The following RGS14 variants were observed in gnomAD, a reference collection of about 807,000 sequenced individuals.
RGS14 encodes regulator of G protein signaling 14.
A neutral mutation model predicts 63.8 loss-of-function variants in RGS14; 33 were observed. That is an observed-to-expected ratio of 0.52 (90% CI 0.39 to 0.69). The LOEUF is 0.69. Among genes scored for constraint, RGS14 ranks in the 30% least tolerant of loss-of-function variants. The pLI is 0.00. For synonymous variants in RGS14, 296 were observed against 320.9 expected (o/e 0.92, Z 0.83); for missense variants, 739 against 742.9 (o/e 0.99, Z 0.06).
In RGS14 at chr5:177,366,349, C is replaced by A; in HGVS notation, c.240C>A (p.Tyr80Ter). ...TGCAGGACCCGCTGGGCCTGGCTTA[C>A]TTCACTGTAAGCCTGGGGTAGGGAA... ...RLLQDPLGLA[Y>*]FTEFLKKEFS... Residue 80 changes from tyrosine (Y) to a stop codon, truncating the protein, a stop_gained, in exon 3 of 15, where the codon TAC becomes TAA. Transcript: ENST00000408923. LOFTEE classifies it high-confidence loss of function. 6.5e-7 allele frequency: 1 copy of A among 1,546,002 alleles called. No homozygotes were observed. Among genetic ancestry groups the A allele is most frequent in the Non-Finnish European group, 8.7e-7 (1 of 1,144,874 alleles).
At chr5:177,369,936 C>T (rs990049931) in intron 9 of RGS14, among the ~76,000 whole-genome samples, 1 of 152,236 alleles carries the variant, frequency 6.6e-6, no homozygotes, top group African/African-American at 2.4e-5. Context: ...CCAACCCCCA[C>T]ATCAGGCTGG....
At chr5:177,370,189 A>G (rs1328261045) in intron 9 of RGS14, among the ~76,000 whole-genome samples, 1 of 152,148 alleles carries the variant, frequency 6.6e-6, no homozygotes, top group Non-Finnish European at 1.5e-5. Context: ...GAGGGAGGAA[A>G]TGCTTCCAGC....
chr5:177,363,896 G>C (rs999089604), intron 1 of RGS14, among the ~76,000 whole-genome samples: 5 of 152,200 alleles, frequency 3.3e-5, no homozygotes, highest in South Asian at 2.1e-4. Flanking sequence ...TTTTGGGGAA[G>C]GTGGTGGCTG....
intron 1 of RGS14, 96 bp from the exon 2 acceptor site, chr5:177,365,867 G>A (rs942898256): frequency 3.2e-6 from 4 of 1,261,958 alleles, no homozygotes; most frequent in Admixed American, 3.4e-5. Flanking sequence ...CCAGGTGGAG[G>A]AGAACGCAGT....
At chr5:177,361,841 C>G (rs559538918) in intron 1 of RGS14, among the ~76,000 whole-genome samples, 145 of 152,294 alleles carry the variant, frequency 9.5e-4, no homozygotes, top group Middle Eastern at 3.4e-3. Context: ...GTGTCACTGG[C>G]CACCACACCC....
chr5:177,367,591 AG>A, intron 6 of RGS14, 34 bp downstream of exon 6: 2 of 1,590,312 alleles, frequency 1.3e-6, no homozygotes, highest in Non-Finnish European at 1.7e-6. Context: ...TGGGCGAGGC[AG>A]GGGGTCCTGC....
rs1272091918 is a variant in RGS14, at chr5:177,371,681, G to A, written c.1498+92G>A. Reference sequence around the variant, plus strand: ...CATCAGAGAGCCTTGAGCTAAGGCAGGGGGCTGGGTGCCACTGGGCGTGGA... The same window carrying A: ...CATCAGAGAGCCTTGAGCTAAGGCAAGGGGCTGGGTGCCACTGGGCGTGGA... On this transcript the variant is annotated intron_variant, in intron 14 of 14. Coordinates refer to ENST00000408923, the MANE Select transcript of RGS14 (RefSeq NM_006480.5). This position sits in a 1 kb window ranked among gnomAD's most constrained non-coding sequence, Gnocchi z 6.1. The A allele has an allele frequency of 1.5e-6, 2 of 1,371,220 alleles. No individual in the cohort carries two copies. The highest frequency in any genetic ancestry group is 2.1e-6 in the Non-Finnish European group (2 of 972,166). 84.9% of individuals were successfully genotyped at this position (1,371,220 alleles called of 1,614,324 possible).
In RGS14 at chr5:177,367,001, C is replaced by A; in HGVS notation, c.450C>A (p.Pro150=). The change falls in exon 5 of 15, where the codon CCC becomes CCA. Residue 150 remains proline (P), a synonymous_variant. Coordinates refer to ENST00000408923, the MANE Select transcript of RGS14 (RefSeq NM_006480.5). ...TTGGCGAGGAGGTGCTGGCCGAGCC[C>A]CGGCCGGACATGTTTCGGGCACAGC... ...AWLGEEVLAE[P]RPDMFRAQQL... 6.2e-7 allele frequency: 1 copy of A among 1,612,792 alleles called. No homozygotes were observed. Among genetic ancestry groups the A allele is most frequent in the Admixed American group, 1.7e-5 (1 of 59,972 alleles).
rs752023911 is a variant in RGS14 at position 177,367,797 on chromosome 5, C to T, written c.711C>T (p.Gly237=). 1.9e-6 allele frequency: 3 copies of T among 1,604,750 alleles called. No individual in the cohort carries two copies. Among genetic ancestry groups the T allele is most frequent in the South Asian group, 2.2e-5 (2 of 90,028 alleles). Residue 237 remains glycine, a synonymous_variant, in exon 7 of 15, where the codon GGC becomes GGT. Transcript: ENST00000408923. ...GQLPPVEGPG[G]RPLRKSFRRE... The stretch of plus-strand genomic sequence containing the variant: ...TGCCACCCGTTGAGGGTCCTGGGGG[C>T]CGCCCTCTCCGCAAGTCCTTCCGCC...
intron 1 of RGS14, among the ~76,000 whole-genome samples, chr5:177,361,733 C>CT (rs1187317669): frequency 6.6e-6 from 1 of 152,088 alleles, no homozygotes; most frequent in Non-Finnish European, 1.5e-5. Context: ...AAATTGGGGC[C>CT]TTACTCTCAC....
In RGS14 at chr5:177,371,936, G is replaced by A; in HGVS notation, c.1562G>A (p.Arg521Lys). ...GCCCACGACCAGAGGGGCCTTCTGA[G>A]GAAAGAGGACCTGGTACTTCCAGAA... is the stretch of plus-strand genomic sequence containing the variant. ...SGAHDQRGLL[R>K]KEDLVLPEFL... is the part of the protein sequence containing the mutation. Residue 521 changes from arginine (R) to lysine (K), a missense_variant, in exon 15 of 15, where the codon AGG becomes AAG. Arg to Lys is a conservative substitution (Grantham distance 26). Coordinates refer to ENST00000408923, the MANE Select transcript of RGS14 (RefSeq NM_006480.5). This position sits in a 1 kb window ranked among gnomAD's most constrained non-coding sequence, Gnocchi z 6.1. 6.2e-7 allele frequency: 1 copy of A among 1,614,134 alleles called. No individual in the cohort carries two copies. The highest frequency in any genetic ancestry group is 1.7e-4 in the Middle Eastern group (1 of 6,060).
chr5:177,368,581 C>A, intron 8 of RGS14, 136 bp from the exon 9 acceptor site: 1 of 865,092 alleles, frequency 1.2e-6, no homozygotes, highest in Non-Finnish European at 1.8e-6. Context: ...TGTGTTCCTG[C>A]AGGAGGACGT....
Position 177,358,116 on chromosome 5 carries a change from C to T in RGS14, c.45+47C>T. ...GGGCCACGAGGAGGGGGTGGGCACA[C>T]CCAGGGTGGAGCCCAGGAGGCACAC... On this transcript the variant is annotated intron_variant, in intron 1 of 14. Transcript: ENST00000408923. The surrounding 1 kb of genome is among the most constrained non-coding windows in gnomAD (Gnocchi z 4.8). 7.7e-7 allele frequency: 1 copy of T among 1,299,394 alleles called. No individual in the cohort carries two copies. Among genetic ancestry groups the T allele is most frequent in the Non-Finnish European group, 9.9e-7 (1 of 1,012,094 alleles). The allele number at this position is 1,299,394 out of a possible 1,614,324, so 80.5% of individuals were successfully genotyped here. A position where few individuals can be genotyped will look rare whatever the true frequency, so the allele number is the denominator to read the frequency against.
chr5:177,367,333 C>A, intron 5 of RGS14, 81 bp from the exon 6 acceptor site: 1 of 1,482,284 alleles, frequency 6.7e-7, no homozygotes, highest in South Asian at 1.3e-5. Context: ...GCGGGGCCAG[C>A]CCCAAGGACC....
chr5:177,366,053 A>G, intron 2 of RGS14, 69 bp downstream of exon 2: 1 of 1,588,402 alleles, frequency 6.3e-7, no homozygotes, highest in East Asian at 2.2e-5. Flanking sequence ...GGGTGGGGAC[A>G]CCCCTGCCAC....
chr5:177,366,459 T>G (rs1026034260), intron 3 of RGS14, 104 bp downstream of exon 3: 8 of 1,063,128 alleles, frequency 7.5e-6, no homozygotes, highest in Non-Finnish European at 1.1e-5. Flanking sequence ...CTTCCTCATC[T>G]AGCCTTCCTG....
intron 10 of RGS14, 21 bp downstream of exon 10, chr5:177,370,685 T>C: frequency 1.9e-6 from 3 of 1,612,876 alleles, no homozygotes; most frequent in South Asian, 1.1e-5. Context: ...TGCCCCCAAG[T>C]CTGGGTCCCA....
At position 177,364,107 on chromosome 5, in the gene RGS14, G is replaced by A. The variant is rs1471378933; in HGVS notation, c.46-1856G>A. Among the ~76,000 whole-genome samples, 1 of 152,152 alleles carries A rather than the reference G, an allele frequency of 6.6e-6. No homozygotes were observed. The highest frequency in any genetic ancestry group is 1.5e-5 in the Non-Finnish European group (1 of 68,036). Reference sequence around the variant, plus strand: ...TGCAGACCGGATCTGGCCCACAGATGGCCGCCCTGTGACCTGAATACTCTC... The same window carrying A: ...TGCAGACCGGATCTGGCCCACAGATAGCCGCCCTGTGACCTGAATACTCTC... On this transcript the variant is annotated intron_variant, in intron 1 of 14. Transcript: ENST00000408923. The surrounding 1 kb of genome is among the most constrained non-coding windows in gnomAD (Gnocchi z 4.6).
At position 177,357,992 on chromosome 5, in the gene RGS14, C is replaced by A. The variant is rs1761859413; in HGVS notation, c.-33C>A. ...TGCCCACAGTCCCCATGGTGGGCAG[C>A]CCCCGCGGCGGGGACCCCTGATCGG... On this transcript the variant is annotated 5_prime_UTR_variant, in exon 1 of 15. Coordinates refer to ENST00000408923, the MANE Select transcript of RGS14 (RefSeq NM_006480.5). 1.5e-6 allele frequency: 2 copies of A among 1,336,164 alleles called. No homozygotes were observed. Among genetic ancestry groups the A allele is most frequent in the East Asian group, 3.0e-5 (1 of 33,108 alleles). The allele number at this position is 1,336,164 out of a possible 1,614,324, so 82.8% of individuals were successfully genotyped here. A position where few individuals can be genotyped will look rare whatever the true frequency, so the allele number is the denominator to read the frequency against.
Sources: allele counts gnomAD v4.1 joint callset (sites outside exome capture counted in the v4.1 genomes callset), GRCh38; gene constraint gnomAD v4.1.1; non-coding constraint Gnocchi (gnomAD v3.1); transcripts MANE v1.5; gene names NCBI Gene and HGNC (gene_info 2026-07-23, HGNC 2026-07-21).